The following WDSUB1 variants were observed in gnomAD, a reference collection of about 807,000 sequenced individuals.
The protein encoded by WDSUB1 is WD repeat, SAM and U-box domain-containing protein 1.
In WDSUB1, 49 loss-of-function variants were observed where a neutral mutation model predicts 53.9. The ratio of observed to expected loss-of-function variants is 0.91; its 90% CI spans 0.72 to 1.15. The LOEUF (loss-of-function observed/expected upper bound fraction) is 1.15. Among genes scored for constraint, WDSUB1 ranks in the 50% most tolerant of loss-of-function variants. The pLI, the probability that WDSUB1 is intolerant of heterozygous loss-of-function variation, is 0.00. For missense variants in WDSUB1, 514 were observed against 562.0 expected (o/e 0.91, Z 0.86); for synonymous variants, 194 against 200.6 (o/e 0.97, Z 0.28).
At chr2:159,248,569 T>TG (rs2060875195) in intron 9 of WDSUB1, 57 bp from the exon 10 acceptor site, 1 of 1,426,690 alleles carries the variant, frequency 7.0e-7, no homozygotes, top group Non-Finnish European at 9.2e-7. Context: ...ACTACTAGGA[T>TG]ACTACCAGTA....
rs111752652 is a variant in WDSUB1, at chr2:159,280,708, A to AAAC, written c.399-764_399-763insGTT. On this transcript the variant is annotated intron_variant, in intron 2 of 10. Transcript: ENST00000359774. ...TCCGTCTCAAAAAAAAAAAAAAAAA[A>AAAC]ATTACCCAGAAGCAATGGCGAGGTC... is the stretch of plus-strand genomic sequence containing the variant. 3.8e-3 allele frequency among the ~76,000 whole-genome samples: 507 copies of AAAC among 134,380 alleles called. 25 individuals carry two copies. The highest frequency in any genetic ancestry group is 6.5e-3 in the Non-Finnish European group (423 of 65,548). The allele number at this position is 134,380 out of a possible 152,430, so 88.2% of individuals were successfully genotyped here. A position where few individuals can be genotyped will look rare whatever the true frequency, so the allele number is the denominator to read the frequency against.
Position 159,279,820 on chromosome 2 carries a change from C to T in WDSUB1, c.524G>A (p.Ser175Asn), listed in dbSNP as rs200553096. 6.2e-7 allele frequency: 1 copy of T among 1,610,640 alleles called. No individual in the cohort carries two copies. Among genetic ancestry groups the T allele is most frequent in the African/African-American group, 1.3e-5 (1 of 75,008 alleles). The change falls in exon 3 of 11, where the codon AGT (serine) becomes AAT (asparagine). Residue 175 changes from serine (S) to asparagine (N), a missense_variant. Ser to Asn is a conservative substitution (Grantham distance 46, BLOSUM62 1). Coordinates refer to ENST00000359774, the MANE Select transcript of WDSUB1 (RefSeq NM_001128212.3). ...AATTCCAAGATCATGTGCTTTTTCA[C>T]TATGCAGACACCTCATTTTATCATC... ...VWDDKMRCLH[S>N]EKAHDLGITC... is the part of the protein sequence containing the mutation.
In WDSUB1 at chr2:159,282,791, T is replaced by A; in HGVS notation, c.279A>T (p.Glu93Asp). The A allele has an allele frequency of 6.2e-7, 1 of 1,614,212 alleles. No individual in the cohort carries two copies. The highest frequency in any genetic ancestry group is 8.5e-7 in the Non-Finnish European group (1 of 1,180,046). ...TENGQMLAVM[E>D]QPSGSPVRVC... ...CCCTCACAGGGCTGCCACTAGGCTG[T>A]TCCATCACTGCCAGCATCTGTCCAT... The change falls in exon 2 of 11, where the codon GAA becomes GAT. Residue 93 changes from glutamate to aspartate, a missense_variant. Transcript: ENST00000359774.
intron 4 of WDSUB1, among the ~76,000 whole-genome samples, chr2:159,274,794 C>G (rs1258801202): frequency 1.3e-5 from 2 of 152,144 alleles, no homozygotes; most frequent in Non-Finnish European, 2.9e-5. Context: ...AAAGGGGACT[C>G]AACTGCAAAC....
chr2:159,255,359 C>T (rs896379837), intron 9 of WDSUB1, among the ~76,000 whole-genome samples: 16 of 151,504 alleles, frequency 1.1e-4, no homozygotes, highest in Non-Finnish European at 2.2e-4. Context: ...CCCAGCTACT[C>T]GGGAGGCTGA....
intron 10 of WDSUB1, among the ~76,000 whole-genome samples, chr2:159,242,952 G>A (rs1020144024): frequency 6.8e-6 from 1 of 148,088 alleles, no homozygotes; most frequent in Admixed American, 6.6e-5. Flanking sequence ...GAAAAAAGAT[G>A]TATTCTGAAT....
At chr2:159,257,204 G>A (rs1205204945) in intron 8 of WDSUB1, among the ~76,000 whole-genome samples, 1 of 151,966 alleles carries the variant, frequency 6.6e-6, no homozygotes, top group Non-Finnish European at 1.5e-5. Context: ...GTTTCACCAT[G>A]TTGCCCAAGC....
chr2:159,249,607 A>G (rs2060900025), intron 9 of WDSUB1, among the ~76,000 whole-genome samples: 1 of 152,100 alleles, frequency 6.6e-6, no homozygotes, highest in African/African-American at 2.4e-5. Flanking sequence ...GAAGCTAGAG[A>G]TAGTGCGTCC....
At chr2:159,280,892 G>GTATC (rs1429514150) in intron 2 of WDSUB1, among the ~76,000 whole-genome samples, 1 of 151,942 alleles carries the variant, frequency 6.6e-6, no homozygotes, top group African/African-American at 2.4e-5. Flanking sequence ...ATCCAGCAGG[G>GTATC]TATCTATCAT....
intron 3 of WDSUB1, among the ~76,000 whole-genome samples, chr2:159,276,378 T>TA (rs2151140973): frequency 6.6e-6 from 1 of 152,348 alleles, no homozygotes; most frequent in Admixed American, 6.5e-5. Flanking sequence ...ATCAATTTCT[T>TA]AAAAGCCTGA....
chr2:159,257,767 G>C lies in WDSUB1; in HGVS notation c.943C>G (p.Leu315Val). 4.3e-6 allele frequency: 7 copies of C among 1,613,754 alleles called. No individual in the cohort carries two copies. The highest frequency in any genetic ancestry group is 5.9e-6 in the Non-Finnish European group (7 of 1,179,654). The change falls in exon 8 of 11, where the codon CTT (leucine) becomes GTT (valine). Residue 315 changes from leucine to valine, a missense_variant. Physicochemically the swap from Leu to Val is conservative, Grantham distance 32. Transcript: ENST00000359774. The part of the protein sequence containing the change: ...VNIWQFDLET[L>V]CQARRTEHQL... ...TGATGTCCTTACTAACCTTGGCAAAGTGTTTCCAGGTCAAATTGCCAGATG... is the reference window on the plus strand; with the variant it reads ...TGATGTCCTTACTAACCTTGGCAAACTGTTTCCAGGTCAAATTGCCAGATG...
At chr2:159,242,285 C>T (rs1575426898) in intron 10 of WDSUB1, among the ~76,000 whole-genome samples, 1 of 146,100 alleles carries the variant, frequency 6.8e-6, no homozygotes, top group East Asian at 2.2e-4. Flanking sequence ...TCTCGCTCTC[C>T]TGACCTCATG....
intron 10 of WDSUB1, 73 bp downstream of exon 10, chr2:159,248,299 C>T: frequency 6.5e-7 from 1 of 1,547,844 alleles, no homozygotes; most frequent in Non-Finnish European, 8.7e-7. Context: ...AAGCAAACTT[C>T]TGAGAACTGT....
intron 2 of WDSUB1, among the ~76,000 whole-genome samples, chr2:159,282,036 A>C (rs938190680): frequency 4.0e-5 from 6 of 150,750 alleles, no homozygotes; most frequent in Non-Finnish European, 7.4e-5. Context: ...AAATTACTGA[A>C]CCTTCAAAAT....
At chr2:159,243,752 TCTC>T (rs1229393033) in intron 10 of WDSUB1, among the ~76,000 whole-genome samples, 3 of 152,078 alleles carry the variant, frequency 2.0e-5, no homozygotes, top group East Asian at 3.9e-4. Context: ...ATGTATACCT[TCTC>T]CTAGGAATAT....
chr2:159,244,874 G>C (rs1177124656), intron 10 of WDSUB1, among the ~76,000 whole-genome samples: 1 of 152,194 alleles, frequency 6.6e-6, no homozygotes, highest in African/African-American at 2.4e-5. Flanking sequence ...AAACTGCAGT[G>C]AGTTAAGATT....
chr2:159,255,620 A>AATCTATT (rs1308039885), intron 9 of WDSUB1, among the ~76,000 whole-genome samples: 1 of 152,194 alleles, frequency 6.6e-6, no homozygotes, highest in Non-Finnish European at 1.5e-5. Context: ...AGAGATTTAA[A>AATCTATT]TAGGCTCACG....
At chr2:159,255,426 C>T (rs1475785525) in intron 9 of WDSUB1, among the ~76,000 whole-genome samples, 1 of 152,016 alleles carries the variant, frequency 6.6e-6, no homozygotes, top group Non-Finnish European at 1.5e-5. Context: ...GAGATCGCGC[C>T]ACTGCACACC....
chr2:159,238,249 C>T (rs1051908948), intron 10 of WDSUB1, among the ~76,000 whole-genome samples: 1 of 151,604 alleles, frequency 6.6e-6, no homozygotes, highest in African/African-American at 2.4e-5. Flanking sequence ...CCTTGATTCC[C>T]AGAGAGCGAA....
Sources: gnomAD v4.1 joint callset for allele counts (sites outside exome capture counted in the v4.1 genomes callset) on GRCh38, gnomAD v4.1.1 for gene constraint, MANE v1.5 for transcripts, NCBI Gene and HGNC (gene_info 2026-07-23, HGNC 2026-07-21) for gene names.